CHD1: variants seen among roughly 807,000 people sequenced by gnomAD.
CHD1 encodes the protein chromodomain helicase DNA binding protein 1, also known as ATP-dependent chromatin remodeler CHD1.
A neutral mutation model predicts 224.2 loss-of-function variants in CHD1; 36 were observed. The observed-to-expected ratio is 0.16, with a 90% CI of 0.12 to 0.21. CHD1 has a LOEUF of 0.21. CHD1 is among the 10% of genes least tolerant of loss of function. The pLI is 1.00. For synonymous variants in CHD1, 668 were observed against 658.3 expected (o/e 1.01, Z -0.23); for missense variants, 1,378 against 1,994.8 (o/e 0.69, Z 5.89).
intron 9 of CHD1, 37 bp downstream of exon 9, chr5:98,898,627 T>TAAAAAG: frequency 7.3e-7 from 1 of 1,363,556 alleles, no homozygotes; most frequent in South Asian, 1.2e-5. Context: ...ATTTCAAGCA[T>TAAAAAG]AAAAAGAAAG....
At chr5:98,916,824 T>C (rs1204010447) in intron 2 of CHD1, among the ~76,000 whole-genome samples, 3 of 152,140 alleles carry the variant, frequency 2.0e-5, no homozygotes, top group Non-Finnish European at 2.9e-5. Context: ...TCCTTCACTA[T>C]AAAATACATT....
At chr5:98,912,407 C>T (rs1016218034) in intron 2 of CHD1, among the ~76,000 whole-genome samples, 3 of 152,164 alleles carry the variant, frequency 2.0e-5, no homozygotes, top group African/African-American at 4.8e-5. Flanking sequence ...CGGTGGCTCA[C>T]ACCTATAACC....
Position 98,873,665 on chromosome 5 carries a change from G to C in CHD1, c.3499C>G (p.Arg1167Gly), listed in dbSNP as rs1431355122. 5.6e-6 allele frequency: 9 copies of C among 1,609,320 alleles called. No individual in the cohort carries two copies. The highest frequency in any genetic ancestry group is 7.6e-6 in the Non-Finnish European group (9 of 1,178,004). ...CCATTATGTACCAATTCTCCCAGTC[G>C]TCTAAGGTCTGTTTCTGACTTATCA... is the stretch of plus-strand genomic sequence containing the variant. ...LVDKSETDLR[R>G]LGELVHNGCI... Residue 1167 changes from arginine to glycine, a missense_variant, in exon 26 of 36, where the codon CGA (arginine) becomes GGA (glycine). By Grantham distance (125) the Arg-to-Gly change is moderately radical. Coordinates refer to ENST00000614616, the MANE Select transcript of CHD1 (RefSeq NM_001270.4).
At position 98,879,560 on chromosome 5, in the gene CHD1, C is replaced by T. The variant is rs370760984; in HGVS notation, c.3229G>A (p.Ala1077Thr). 1.8e-4 allele frequency: 288 copies of T among 1,589,200 alleles called. 1 individual carries two copies. Among genetic ancestry groups the T allele is most frequent in the Non-Finnish European group, 2.3e-4 (269 of 1,174,168 alleles). ...IYMLPRMRNCAKQISFNGSEG... is the reference protein window; with the variant it reads ...IYMLPRMRNCTKQISFNGSEG... ...TAAAATTGCAAAATCACCTGTTTTG[C>T]ACAATTTCTCATTCTTGGGAGCATA... Residue 1077 changes from alanine to threonine, a missense_variant, in exon 23 of 36, where the codon GCA (alanine) becomes ACA (threonine). By Grantham distance (58) the Ala-to-Thr change is moderately conservative. Transcript: ENST00000614616.
chr5:98,925,591 A>C (rs1286148620), intron 2 of CHD1, among the ~76,000 whole-genome samples: 1 of 152,200 alleles, frequency 6.6e-6, no homozygotes, highest in Non-Finnish European at 1.5e-5. Context: ...ATGGATTGTA[A>C]ACTAATGTGC....
intron 14 of CHD1, 134 bp downstream of exon 14, chr5:98,893,282 T>C: frequency 1.8e-6 from 1 of 546,064 alleles, no homozygotes; most frequent in Non-Finnish European, 3.1e-6. Flanking sequence ...TCATTTTCCT[T>C]TTTAAAAAAT....
chr5:98,895,471 G>A (rs1401170345), intron 12 of CHD1, among the ~76,000 whole-genome samples: 1 of 152,050 alleles, frequency 6.6e-6, no homozygotes, highest in South Asian at 2.1e-4. Flanking sequence ...ATGTAAAATA[G>A]GCTGGTATGG....
In CHD1 at chr5:98,859,026, T is replaced by TGCA; in HGVS notation, c.4525-14_4525-12dup. On this transcript the variant is annotated splice_polypyrimidine_tract_variant and intron_variant, in intron 33 of 35. Transcript: ENST00000614616. ...TTGATCACTGTTTTGCTAAAATAAATGCACACGTGTTAAGAATCTTTAGGT... is the reference window on the plus strand; with the variant it reads ...TTGATCACTGTTTTGCTAAAATAAATGCAGCACACGTGTTAAGAATCTTTAGGT... The TGCA allele has an allele frequency of 6.4e-7, 1 of 1,566,692 alleles. No individual in the cohort carries two copies. Among genetic ancestry groups the TGCA allele is most frequent in the Non-Finnish European group, 8.6e-7 (1 of 1,164,314 alleles).
intron 1 of CHD1, among the ~76,000 whole-genome samples, chr5:98,926,861 T>C (rs953252713): frequency 7.5e-6 from 1 of 133,770 alleles, no homozygotes; most frequent in Non-Finnish European, 1.5e-5. Flanking sequence ...AACATATGCA[T>C]ACATCCCAAG....
chr5:98,885,652 A>T lies in CHD1; in HGVS notation c.2497-3T>A. ...CCTTTTATTGATCCATCTAATCTCTAGAAAAAAACACATTAAAATACTGCA... is the reference window on the plus strand; with the variant it reads ...CCTTTTATTGATCCATCTAATCTCTTGAAAAAAACACATTAAAATACTGCA... On this transcript the variant is annotated splice_region_variant and splice_polypyrimidine_tract_variant and intron_variant, in intron 17 of 35. Coordinates refer to ENST00000614616, the MANE Select transcript of CHD1 (RefSeq NM_001270.4). The T allele has an allele frequency of 6.6e-7, 1 of 1,523,312 alleles. No individual in the cohort carries two copies. The highest frequency in any genetic ancestry group is 9.0e-7 in the Non-Finnish European group (1 of 1,112,974). The allele number at this position is 1,523,312 out of a possible 1,614,324, so 94.4% of individuals were successfully genotyped here. A position where few individuals can be genotyped will look rare whatever the true frequency, so the allele number is the denominator to read the frequency against.
At chr5:98,898,501 T>C (rs1177140031) in intron 9 of CHD1, 67 bp from the exon 10 acceptor site, 11 of 1,363,450 alleles carry the variant, frequency 8.1e-6, no homozygotes, top group Non-Finnish European at 1.1e-5. Context: ...AGATACATAA[T>C]TCTTAGTAAA....
chr5:98,878,673 T>A (rs1749947408), intron 23 of CHD1, among the ~76,000 whole-genome samples: 1 of 152,164 alleles, frequency 6.6e-6, no homozygotes, highest in Admixed American at 6.5e-5. Flanking sequence ...TTTCTGAACA[T>A]GACAGAATTA....
chr5:98,923,993 C>T (rs1753280523), intron 2 of CHD1, among the ~76,000 whole-genome samples: 1 of 152,176 alleles, frequency 6.6e-6, no homozygotes, highest in African/African-American at 2.4e-5. Flanking sequence ...TGGCAGCTCA[C>T]ACCTGTAATC....
intron 17 of CHD1, among the ~76,000 whole-genome samples, chr5:98,886,547 T>C (rs1750662075): frequency 6.6e-6 from 1 of 152,200 alleles, no homozygotes; most frequent in South Asian, 2.1e-4. Context: ...CTATGATCCA[T>C]GCATTTAACC....
chr5:98,867,807 T>G (rs1445693851), intron 31 of CHD1, among the ~76,000 whole-genome samples: 3 of 147,578 alleles, frequency 2.0e-5, no homozygotes, highest in African/African-American at 7.5e-5. Flanking sequence ...TTTTTTTTTT[T>G]TTTTTTTTTT....
At chr5:98,881,424 A>G in intron 20 of CHD1, 49 bp from the exon 21 acceptor site, 9 of 824,106 alleles carry the variant, frequency 1.1e-5, no homozygotes, top group Non-Finnish European at 1.7e-5. Flanking sequence ...TAAAAATATA[A>G]CAGTTACACA....
chr5:98,901,997 G>C (rs914799888), intron 5 of CHD1, among the ~76,000 whole-genome samples: 3 of 151,990 alleles, frequency 2.0e-5, no homozygotes, highest in African/African-American at 4.8e-5. Flanking sequence ...TGCACCAATT[G>C]TAACTATGAT....
At position 98,899,498 on chromosome 5, in the gene CHD1, T is replaced by G. The variant is rs767892325; in HGVS notation, c.1067A>C (p.Asp356Ala). ...MKKLDNYKKK[D>A]QETKRWLKNA... is the part of the protein sequence containing the mutation. ...TACTTACCATCTTTTTGTTTCCTGA[T>G]CTTTTTTCTTATAATTATCCAATTT... The change falls in exon 8 of 36, where the codon GAT becomes GCT. Residue 356 changes from aspartate to alanine, a missense_variant. Asp to Ala is a moderately radical substitution (Grantham distance 126). Around this residue, in one of 16 missense-constraint regions of CHD1, gnomAD observed 15 missense variants for 16.2 expected, o/e 0.93. Transcript: ENST00000614616. The G allele has an allele frequency of 6.2e-7, 1 of 1,605,234 alleles. No individual in the cohort carries two copies. The highest frequency in any genetic ancestry group is 1.3e-5 in the African/African-American group (1 of 74,840).
At chr5:98,877,932 G>A (rs1485195300) in intron 23 of CHD1, among the ~76,000 whole-genome samples, 2 of 152,152 alleles carry the variant, frequency 1.3e-5, no homozygotes, top group Admixed American at 1.3e-4. Context: ...ACATCAGAGA[G>A]ATGAAATCAC....
Sources: allele counts gnomAD v4.1 joint callset (sites outside exome capture counted in the v4.1 genomes callset), GRCh38; gene constraint gnomAD v4.1.1; regional missense constraint gnomAD v4.1.1; transcripts MANE v1.5; gene names NCBI Gene and HGNC (gene_info 2026-07-23, HGNC 2026-07-21).